PIAS1: variants seen among roughly 807,000 people sequenced by gnomAD.
PIAS1 encodes the protein E3 SUMO-protein ligase PIAS1.
Under a neutral mutation model 71.3 loss-of-function variants are expected in PIAS1, and 6 were observed. That is an observed-to-expected ratio of 0.08 (90% CI 0.05 to 0.17). The LOEUF (loss-of-function observed/expected upper bound fraction) is 0.17, where lower values mean the gene tolerates loss of function less well. Ranked by LOEUF, PIAS1 falls within the 10% of genes least tolerant of loss-of-function variation. PIAS1 has a pLI of 1.00. For missense variants in PIAS1, 555 were observed against 793.6 expected (o/e 0.70, Z 3.61); for synonymous variants, 303 against 292.9 (o/e 1.03, Z -0.35).
rs1016506738 is a variant in PIAS1, at chr15:68,188,065, A to T, written c.*230A>T. On this transcript the variant is annotated 3_prime_UTR_variant, in exon 14 of 14. Transcript: ENST00000249636. ...TGCCTGTGTGATAAAACACTTGTTT[A>T]AAAAAAAAAAGGAAAGAAAAGAAAA... The T allele has an allele frequency of 2.0e-5, 4 of 201,290 alleles. No individual in the cohort carries two copies. Among genetic ancestry groups the T allele is most frequent in the Admixed American group, 6.0e-5 (1 of 16,536 alleles). 12.5% of individuals were successfully genotyped at this position (201,290 alleles called of 1,614,324 possible).
rs1398495979 is a variant in PIAS1, at chr15:68,181,306, G to C, written c.1576G>C (p.Asp526His). 6.2e-7 allele frequency: 1 copy of C among 1,613,778 alleles called. No homozygotes were observed. Among genetic ancestry groups the C allele is most frequent in the Admixed American group, 1.7e-5 (1 of 60,016 alleles). The change falls in exon 12 of 14, where the codon GAC (aspartate) becomes CAC (histidine). Residue 526 changes from aspartate (D) to histidine (H), a missense_variant. By Grantham distance (81) the Asp-to-His change is moderately conservative. Transcript: ENST00000249636. The stretch of plus-strand genomic sequence containing the variant: ...CTACATTAATACCTCCCTCATCCAA[G>C]ACTATAGGCATCCTTTCCACATGAC... ...TSYINTSLIQ[D>H]YRHPFHMTPM...
intron 2 of PIAS1, among the ~76,000 whole-genome samples, chr15:68,136,632 T>C (rs1451240816): frequency 7.2e-5 from 11 of 152,186 alleles, no homozygotes; most frequent in Non-Finnish European, 1.6e-4. Flanking sequence ...ATTCCAGATA[T>C]ATTAAATAAT....
intron 7 of PIAS1, among the ~76,000 whole-genome samples, chr15:68,163,749 C>T (rs528521244): frequency 1.1e-3 from 163 of 152,298 alleles, no homozygotes; most frequent in African/African-American, 3.7e-3. Flanking sequence ...CTTATCTGGT[C>T]ACACTTAGTT....
chr15:68,157,177 C>A (rs917962779), intron 7 of PIAS1, among the ~76,000 whole-genome samples: 1 of 152,084 alleles, frequency 6.6e-6, no homozygotes, highest in Non-Finnish European at 1.5e-5. Context: ...TCAGAGTGGA[C>A]TGTTAGACTT....
intron 1 of PIAS1, among the ~76,000 whole-genome samples, chr15:68,056,364 A>G (rs2091896137): frequency 1.3e-5 from 2 of 152,250 alleles, no homozygotes; most frequent in African/African-American, 4.8e-5. Flanking sequence ...GGGATAGATC[A>G]GATCCCTGGT....
At chr15:68,118,334 A>T (rs7166730) in intron 2 of PIAS1, among the ~76,000 whole-genome samples, 137,913 of 150,548 alleles carry the variant, frequency 0.92, 63,384 homozygotes, top group Non-Finnish European at 0.95. Flanking sequence ...AAAAAAAAAA[A>T]AATAATAATA....
chr15:68,141,780 A>T (rs1274211242), intron 2 of PIAS1, among the ~76,000 whole-genome samples, 166 bp from the exon 3 acceptor site: 1 of 151,308 alleles, frequency 6.6e-6, no homozygotes, highest in Non-Finnish European at 1.5e-5. Flanking sequence ...TCTGTTTGTT[A>T]TGTTACAATT....
chr15:68,061,538 CAAACA>C (rs1294223380), intron 1 of PIAS1: 1 of 152,124 alleles, frequency 6.6e-6, no homozygotes, highest in Non-Finnish European at 1.5e-5. Context: ...TTAGATCAAG[CAAACA>C]AAACAAACAT....
At chr15:68,161,190 A>T (rs560238991) in intron 7 of PIAS1, among the ~76,000 whole-genome samples, 2 of 152,320 alleles carry the variant, frequency 1.3e-5, no homozygotes, top group Admixed American at 6.5e-5. Context: ...TTCAAAAAAG[A>T]TTTTACAGTA....
chr15:68,140,479 T>C (rs2092762831), intron 2 of PIAS1, among the ~76,000 whole-genome samples: 1 of 152,176 alleles, frequency 6.6e-6, no homozygotes, highest in African/African-American at 2.4e-5. Flanking sequence ...CATTGCCAGG[T>C]TGATGTTTCA....
In PIAS1 at chr15:68,181,347, C is replaced by T. The variant is rs1220656916; in HGVS notation, c.1617C>T (p.Asp539=). The T allele has an allele frequency of 1.2e-6, 2 of 1,613,520 alleles. No homozygotes were observed. Among genetic ancestry groups the T allele is most frequent in the Admixed American group, 3.3e-5 (2 of 60,012 alleles). ...HPFHMTPMPY[D]LQGLDFFPFL... Reference sequence around the variant, plus strand: ...TCCACATGACACCCATGCCTTACGACTTACAAGGTGAGTCACTGGTTCTTC... The same window carrying T: ...TCCACATGACACCCATGCCTTACGATTTACAAGGTGAGTCACTGGTTCTTC... Residue 539 remains aspartate, a synonymous_variant, in exon 12 of 14, where the codon GAC becomes GAT. Transcript: ENST00000249636.
chr15:68,147,193 AT>A (rs1175519955), intron 6 of PIAS1, among the ~76,000 whole-genome samples: 1 of 152,218 alleles, frequency 6.6e-6, no homozygotes, highest in Non-Finnish European at 1.5e-5. Context: ...ACATTGACAG[AT>A]TACCTTCTCC....
chr15:68,136,959 G>T (rs1016324549), intron 2 of PIAS1, among the ~76,000 whole-genome samples: 1 of 152,110 alleles, frequency 6.6e-6, no homozygotes, highest in Non-Finnish European at 1.5e-5. Context: ...ACAAAACATG[G>T]AAATATTTTA....
At chr15:68,072,678 G>T (rs2092111814) in intron 1 of PIAS1, among the ~76,000 whole-genome samples, 1 of 152,054 alleles carries the variant, frequency 6.6e-6, no homozygotes, top group Admixed American at 6.6e-5. Context: ...TTCCTTCTCA[G>T]TTGTTACCGT....
Position 68,189,042 on chromosome 15 carries a change from G to A in PIAS1, c.*1207G>A, listed in dbSNP as rs953804132. ...TTAGTCATTTTTACTCTTTGGTTCTGAGTATACCTATTTTCTTAGCGTATC... is the reference window on the plus strand; with the variant it reads ...TTAGTCATTTTTACTCTTTGGTTCTAAGTATACCTATTTTCTTAGCGTATC... On this transcript the variant is annotated 3_prime_UTR_variant, in exon 14 of 14. Coordinates refer to ENST00000249636, the MANE Select transcript of PIAS1 (RefSeq NM_016166.3). The A allele has an allele frequency of 1.3e-5, 2 of 152,180 alleles. No individual in the cohort carries two copies. Among genetic ancestry groups the A allele is most frequent in the Non-Finnish European group, 2.9e-5 (2 of 68,010 alleles). The allele number at this position is 152,180 out of a possible 1,614,324, so 9.4% of individuals were successfully genotyped here.
intron 1 of PIAS1, among the ~76,000 whole-genome samples, chr15:68,079,957 C>T (rs1164763280): frequency 3.3e-5 from 5 of 152,108 alleles, no homozygotes; most frequent in Admixed American, 2.0e-4. Flanking sequence ...CTCAGCCTCC[C>T]GAGTAGCTAG....
At position 68,054,418 on chromosome 15, in the gene PIAS1, A is replaced by T. The variant is rs957974916; in HGVS notation, c.24+68A>T. ...GACGGCGCCGCTGCTGCCAGGGGGG[A>T]TGGGTCCGACCCTGGGGGGCCTCTC... On this transcript the variant is annotated intron_variant, in intron 1 of 13. Coordinates refer to ENST00000249636, the MANE Select transcript of PIAS1 (RefSeq NM_016166.3). This position sits in a 1 kb window ranked among gnomAD's most constrained non-coding sequence, Gnocchi z 4.6. 4.7e-6 allele frequency: 7 copies of T among 1,501,076 alleles called. No homozygotes were observed. Among genetic ancestry groups the T allele is most frequent in the Non-Finnish European group, 6.3e-6 (7 of 1,103,484 alleles). 93.0% of individuals were successfully genotyped at this position (1,501,076 alleles called of 1,614,324 possible).
intron 1 of PIAS1, among the ~76,000 whole-genome samples, chr15:68,083,747 A>G (rs1161136279): frequency 6.6e-6 from 1 of 151,188 alleles, no homozygotes; most frequent in East Asian, 1.9e-4. Flanking sequence ...AATTATGACA[A>G]TTGATGATGA....
In PIAS1 at chr15:68,129,160, C is replaced by G. The variant is rs569662157; in HGVS notation, c.470-12786C>G. Among the ~76,000 whole-genome samples, 5 of 152,226 alleles carry G rather than the reference C, an allele frequency of 3.3e-5. No homozygotes were observed. In the South Asian group the frequency reaches 6.2e-4, roughly 19 times the overall value. On this transcript the variant is annotated intron_variant, in intron 2 of 13. Transcript: ENST00000249636. Reference sequence around the variant, plus strand: ...CACTGTAACCTCGAACTACAGGGCTCAAGCAGCCCTTCCCACCTCACCCTC... The same window carrying G: ...CACTGTAACCTCGAACTACAGGGCTGAAGCAGCCCTTCCCACCTCACCCTC...
Sources: gnomAD v4.1 joint callset for allele counts (sites outside exome capture counted in the v4.1 genomes callset) on GRCh38, gnomAD v4.1.1 for gene constraint, Gnocchi (gnomAD v3.1) non-coding constraint, MANE v1.5 for transcripts, NCBI Gene and HGNC (gene_info 2026-07-23, HGNC 2026-07-21) for gene names.